Variants in FYB1 observed in about 807,000 individuals in gnomAD.
The protein encoded by FYB1 is FYN-binding protein 1.
In FYB1, 41 loss-of-function variants were observed where a neutral mutation model predicts 94.1. That is an observed-to-expected ratio of 0.44 (90% CI 0.34 to 0.57). The LOEUF (loss-of-function observed/expected upper bound fraction) is 0.57, where lower values mean the gene tolerates loss of function less well. Among genes scored for constraint, FYB1 ranks in the 20% least tolerant of loss-of-function variants. The pLI is 0.02. For synonymous variants in FYB1, 367 were observed against 353.2 expected (o/e 1.04, Z -0.44); for missense variants, 1,050 against 976.8 (o/e 1.07, Z -1.00).
chr5:39,259,220 A>G (rs1752112801), intron 1 of FYB1, among the ~76,000 whole-genome samples: 1 of 152,214 alleles, frequency 6.6e-6, no homozygotes, highest in African/African-American at 2.4e-5. Context: ...CTGAAGTCCA[A>G]CTGTATCTAG....
intron 10 of FYB1, among the ~76,000 whole-genome samples, chr5:39,128,732 G>C (rs2057059404): frequency 6.6e-6 from 1 of 152,090 alleles, no homozygotes; most frequent in Non-Finnish European, 1.5e-5. Flanking sequence ...TCTCAAGCTA[G>C]TGTTCTTTCC....
intron 9 of FYB1, among the ~76,000 whole-genome samples, chr5:39,131,084 A>C (rs1741164788): frequency 6.6e-6 from 1 of 152,132 alleles, no homozygotes; most frequent in Non-Finnish European, 1.5e-5. Flanking sequence ...TAAAGGGAGA[A>C]CTTTAAAAAA....
At chr5:39,169,714 G>A (rs1215380290) in intron 2 of FYB1, 2 of 466,136 alleles carry the variant, frequency 4.3e-6, no homozygotes, top group Non-Finnish European at 8.5e-6. Flanking sequence ...GCCAGTCGAA[G>A]GTTAGATAGT....
chr5:39,244,260 A>G (rs1230492464), intron 1 of FYB1, among the ~76,000 whole-genome samples: 4 of 152,092 alleles, frequency 2.6e-5, no homozygotes, highest in African/African-American at 9.7e-5. Flanking sequence ...CCCATTCGGT[A>G]TGATATTGGC....
intron 7 of FYB1, among the ~76,000 whole-genome samples, chr5:39,136,385 A>G (rs1414806837): frequency 6.6e-6 from 1 of 152,272 alleles, no homozygotes; most frequent in South Asian, 2.1e-4. Context: ...ATAGATTTTC[A>G]TAAATTAATT....
intron 1 of FYB1, among the ~76,000 whole-genome samples, chr5:39,233,180 A>T (rs1200495427): frequency 5.3e-5 from 8 of 151,984 alleles, no homozygotes; most frequent in Non-Finnish European, 8.8e-5. Flanking sequence ...AAAAGTTTGC[A>T]TGCAACTAGA....
At chr5:39,188,509 C>T (rs1209598565) in intron 2 of FYB1, among the ~76,000 whole-genome samples, 4 of 151,300 alleles carry the variant, frequency 2.6e-5, no homozygotes, top group African/African-American at 7.3e-5. Flanking sequence ...CCCCACTGCC[C>T]CCACTCTAAT....
intron 1 of FYB1, chr5:39,213,118 A>T (rs1749564989): frequency 1.3e-5 from 2 of 152,152 alleles, no homozygotes; most frequent in African/African-American, 4.8e-5. Flanking sequence ...TCATTATTAA[A>T]CTAATAATCA....
intron 1 of FYB1, among the ~76,000 whole-genome samples, chr5:39,216,017 A>G (rs1194967524): frequency 6.6e-6 from 1 of 152,122 alleles, no homozygotes; most frequent in Non-Finnish European, 1.5e-5. Context: ...TAGTGATGCA[A>G]CCACAAGCCA....
intron 10 of FYB1, among the ~76,000 whole-genome samples, chr5:39,128,159 A>G (rs931495055): frequency 6.6e-6 from 1 of 152,174 alleles, no homozygotes; most frequent in Non-Finnish European, 1.5e-5. Context: ...GTGAGGAGAC[A>G]TTTAGGAAAA....
intron 1 of FYB1, among the ~76,000 whole-genome samples, chr5:39,235,573 GTT>G (rs72403365): frequency 0.15 from 20,721 of 139,842 alleles, 3,727 homozygotes; most frequent in African/African-American, 0.41. Context: ...ATCTTTACTT[GTT>G]TTTTTTTTTT....
chr5:39,205,909 T>G (rs1005179589), intron 1 of FYB1, among the ~76,000 whole-genome samples: 3 of 152,166 alleles, frequency 2.0e-5, no homozygotes, highest in Non-Finnish European at 4.4e-5. Context: ...AAGGATTAAA[T>G]GGGCAAAGGC....
At chr5:39,124,504 T>A (rs2150292924) in intron 12 of FYB1, among the ~76,000 whole-genome samples, 1 of 152,272 alleles carries the variant, frequency 6.6e-6, no homozygotes, top group Admixed American at 6.5e-5. Context: ...TTTGCCAAAA[T>A]GTCCAGAGTC....
At position 39,202,551 on chromosome 5, in the gene FYB1, G is replaced by A. The variant is rs201568060; in HGVS notation, c.410C>T (p.Pro137Leu). The change falls in exon 2 of 19, where the codon CCA (proline) becomes CTA (leucine). Residue 137 changes from proline to leucine, a missense_variant. Transcript: ENST00000512982. ...PTFPWPPGNK[P>L]SLHSVNQDHD... ...GTCTTGGTTTACACTGTGAAGAGAT[G>A]GCTTGTTTCCAGGAGGCCAGGGAAA... 1.3e-3 allele frequency: 2,035 copies of A among 1,613,960 alleles called. 3 individuals carry two copies. The highest frequency in any genetic ancestry group is 1.4e-3 in the Non-Finnish European group (1,616 of 1,179,898).
chr5:39,256,604 C>A (rs919638605), intron 1 of FYB1, among the ~76,000 whole-genome samples: 3 of 152,108 alleles, frequency 2.0e-5, no homozygotes, highest in African/African-American at 7.2e-5. Flanking sequence ...GCTTAGAAAT[C>A]GGAAGCTACG....
chr5:39,188,597 T>A (rs1272544182), intron 2 of FYB1, among the ~76,000 whole-genome samples: 6 of 140,424 alleles, frequency 4.3e-5, no homozygotes, highest in Non-Finnish European at 9.1e-5. Flanking sequence ...TAGGCTGGAG[T>A]GCAATTGTGC....
chr5:39,124,915 C>CCACACACACACACACA (rs56887056), intron 12 of FYB1, among the ~76,000 whole-genome samples: 115 of 139,548 alleles, frequency 8.2e-4, no homozygotes, highest in African/African-American at 2.8e-3. Flanking sequence ...TAAATACACT[C>CCACACACACACACACA]CACACACACA....
intron 1 of FYB1, among the ~76,000 whole-genome samples, chr5:39,214,928 CA>C (rs879602041): frequency 1.1e-4 from 16 of 149,192 alleles, no homozygotes; most frequent in South Asian, 4.2e-4. Flanking sequence ...GATTCTGTGT[CA>C]AAAAAAAAAT....
At chr5:39,230,206 T>A (rs1561293109) in intron 1 of FYB1, among the ~76,000 whole-genome samples, 1 of 152,314 alleles carries the variant, frequency 6.6e-6, no homozygotes, top group East Asian at 1.9e-4. Flanking sequence ...TGGATTATTT[T>A]GGGAAGACCC....
Sources: gnomAD v4.1 joint callset for allele counts (sites outside exome capture counted in the v4.1 genomes callset) on GRCh38, gnomAD v4.1.1 for gene constraint, MANE v1.5 for transcripts, NCBI Gene and HGNC (gene_info 2026-07-23, HGNC 2026-07-21) for gene names.